NPHP4: variants seen among roughly 807,000 people sequenced by gnomAD.
NPHP4 encodes the protein nephrocystin 4.
Under a neutral mutation model 155.8 loss-of-function variants are expected in NPHP4, and 151 were observed. The ratio of observed to expected loss-of-function variants is 0.97; its 90% CI spans 0.85 to 1.11. The LOEUF (loss-of-function observed/expected upper bound fraction) is 1.11, where lower values mean the gene tolerates loss of function less well. Among genes scored for constraint, NPHP4 ranks in the 50% least tolerant of loss-of-function variants. NPHP4 has a pLI of 0.00. For synonymous variants in NPHP4, 845 were observed against 816.8 expected (o/e 1.03, Z -0.59); for missense variants, 1,956 against 1,925.7 (o/e 1.02, Z -0.29).
At chr1:5,971,726 G>A (rs1177073917) in intron 3 of NPHP4, among the ~76,000 whole-genome samples, 4 of 152,186 alleles carry the variant, frequency 2.6e-5, no homozygotes, top group Admixed American at 2.6e-4. Flanking sequence ...TCAGTCTAGG[G>A]AAACTTAACG....
chr1:5,965,366 C>A (rs769729389), intron 5 of NPHP4, among the ~76,000 whole-genome samples: 5 of 152,172 alleles, frequency 3.3e-5, no homozygotes, highest in Non-Finnish European at 7.3e-5. Context: ...TCAGGGCCAA[C>A]AGCTTCCACA....
chr1:5,868,535 C>T (rs1040097929), intron 23 of NPHP4, among the ~76,000 whole-genome samples: 1 of 151,876 alleles, frequency 6.6e-6, no homozygotes, highest in East Asian at 1.9e-4. Flanking sequence ...CGCACCCACA[C>T]ACACGCATGC....
chr1:5,942,664 A>G (rs1646886448), intron 9 of NPHP4, among the ~76,000 whole-genome samples: 1 of 151,608 alleles, frequency 6.6e-6, no homozygotes, highest in Non-Finnish European at 1.5e-5. Context: ...GACACAAGAC[A>G]TGATCCTGAA....
At chr1:5,891,865 C>G (rs146755969) in intron 16 of NPHP4, among the ~76,000 whole-genome samples, 16 of 152,348 alleles carry the variant, frequency 1.1e-4, no homozygotes, top group Non-Finnish European at 1.9e-4. Context: ...AGGATGACCA[C>G]AGACCACATT....
intron 11 of NPHP4, among the ~76,000 whole-genome samples, chr1:5,926,421 A>G (rs1646006658): frequency 6.6e-6 from 1 of 152,260 alleles, no homozygotes; most frequent in South Asian, 2.1e-4. Context: ...GAGTAGGTCC[A>G]TGGTTTCTGC....
In NPHP4 at chr1:5,863,921, T is replaced by G; in HGVS notation, c.4109A>C (p.Glu1370Ala). ...GGAGTCCTCTCTGAACCGCAGCAGC[T>G]CCGGGTGGTCGCTGTGCAGGTGGAA... ...RTFHLHSDHPELLRFREDSFQ... is the reference protein window; with the variant it reads ...RTFHLHSDHPALLRFREDSFQ... The change falls in exon 29 of 30, where the codon GAG becomes GCG. Residue 1370 changes from glutamate to alanine, a missense_variant. Glu to Ala is a moderately radical substitution (Grantham distance 107). Coordinates refer to ENST00000378156, the MANE Select transcript of NPHP4 (RefSeq NM_015102.5). 1 of 1,613,824 alleles carries G rather than the reference T, an allele frequency of 6.2e-7. No homozygotes were observed. Among genetic ancestry groups the G allele is most frequent in the Non-Finnish European group, 8.5e-7 (1 of 1,179,830 alleles).
intron 18 of NPHP4, among the ~76,000 whole-genome samples, chr1:5,883,267 G>A (rs1022852798): frequency 6.6e-6 from 1 of 152,052 alleles, no homozygotes; most frequent in South Asian, 2.1e-4. Flanking sequence ...TTCACACTCC[G>A]GGCCACGCTG....
At chr1:5,976,201 T>C (rs970462016) in intron 3 of NPHP4, among the ~76,000 whole-genome samples, 5 of 151,608 alleles carry the variant, frequency 3.3e-5, no homozygotes, top group African/African-American at 1.2e-4. Flanking sequence ...ACCCGCCACA[T>C]GGGAATAAGC....
Position 5,867,031 on chromosome 1 carries a change from A to G in NPHP4, c.3557T>C (p.Val1186Ala). Residue 1186 changes from valine (V) to alanine (A), a missense_variant and splice_region_variant, in exon 25 of 30, where the codon GTG (valine) becomes GCG (alanine). Physicochemically the swap from Val to Ala is moderately conservative, Grantham distance 64 (BLOSUM62 0). Coordinates refer to ENST00000378156, the MANE Select transcript of NPHP4 (RefSeq NM_015102.5). This position sits in a 1 kb window ranked among gnomAD's most constrained non-coding sequence, Gnocchi z 4.1. ...DPNVICETQN[V>A]GPGEPRDIFL... is the part of the protein sequence containing the mutation. The stretch of plus-strand genomic sequence containing the variant: ...AGCTGGGGCCACAACACAACCTACC[A>G]CATTCTGGGTCTCACAGATGACGTT... The G allele has an allele frequency of 6.2e-7, 1 of 1,612,046 alleles. No homozygotes were observed. The highest frequency in any genetic ancestry group is 2.2e-5 in the East Asian group (1 of 44,830).
At position 5,907,141 on chromosome 1, in the gene NPHP4, C is replaced by G. The variant is rs750626428; in HGVS notation, c.1585G>C (p.Gly529Arg). Residue 529 changes from glycine (G) to arginine (R), a missense_variant, in exon 13 of 30, where the codon GGC becomes CGC. Transcript: ENST00000378156. Reference protein sequence around the residue: ...LARPTSQLPHGSQASPAQAQE... With the variant: ...LARPTSQLPHRSQASPAQAQE... Reference sequence around the variant, plus strand: ...GCCTGGGCCGGGGAGGCCTGAGAGCCATGGGGTAGCTGTGAAGTAGGCCTG... The same window carrying G: ...GCCTGGGCCGGGGAGGCCTGAGAGCGATGGGGTAGCTGTGAAGTAGGCCTG... The G allele has an allele frequency of 2.5e-6, 4 of 1,568,674 alleles. No homozygotes were observed. The highest frequency in any genetic ancestry group is 3.5e-6 in the Non-Finnish European group (4 of 1,155,198).
At chr1:5,990,289 A>G (rs1656037604) in intron 1 of NPHP4, among the ~76,000 whole-genome samples, 1 of 152,162 alleles carries the variant, frequency 6.6e-6, no homozygotes, top group Admixed American at 6.6e-5. Flanking sequence ...GCTCCATGAC[A>G]CCAGGCTGGG....
chr1:5,988,907 C>T (rs1430052295), intron 1 of NPHP4, among the ~76,000 whole-genome samples: 1 of 152,158 alleles, frequency 6.6e-6, no homozygotes, highest in Non-Finnish European at 1.5e-5. Context: ...CCAGGTATTC[C>T]TGAGGACCAG....
In NPHP4 at chr1:5,864,435, C is replaced by T. The variant is rs115869141; in HGVS notation, c.3899G>A (p.Ser1300Asn). Reference sequence around the variant, plus strand: ...CACCAGGTTGAGATGGACAAAGCGGCTGCCGGCCCTAAGGGGCCTCACGCC... The same window carrying T: ...CACCAGGTTGAGATGGACAAAGCGGTTGCCGGCCCTAAGGGGCCTCACGCC... ...HVGVRPLRAG[S>N]RFVHLNLVDV... The change falls in exon 28 of 30, where the codon AGC becomes AAC. Residue 1300 changes from serine to asparagine, a missense_variant. Physicochemically the swap from Ser to Asn is conservative, Grantham distance 46. Coordinates refer to ENST00000378156, the MANE Select transcript of NPHP4 (RefSeq NM_015102.5). 7.5e-5 allele frequency: 120 copies of T among 1,609,102 alleles called. No individual in the cohort carries two copies. In the African/African-American group the frequency reaches 1.5e-3, roughly 21 times the overall value.
intron 10 of NPHP4, 33 bp from the exon 11 acceptor site, chr1:5,927,820 T>G (rs762677814): frequency 1.9e-6 from 3 of 1,579,194 alleles, no homozygotes; most frequent in Non-Finnish European, 2.6e-6. Context: ...TGATGGCCAC[T>G]CCCTTCATCA....
chr1:5,952,557 C>T (rs1648315360), intron 7 of NPHP4, 143 bp downstream of exon 7: 3 of 96,008 alleles, frequency 3.1e-5, no homozygotes, highest in African/African-American at 1.4e-4. Flanking sequence ...GGGGTCTCCC[C>T]TGCCCCACCC....
chr1:5,886,103 A>C (rs1643778120), intron 18 of NPHP4, among the ~76,000 whole-genome samples: 2 of 152,248 alleles, frequency 1.3e-5, no homozygotes, highest in South Asian at 4.1e-4. Flanking sequence ...TGGTGGCTGG[A>C]GAATTAAATA....
chr1:5,865,590 A>C, intron 26 of NPHP4: 1 of 280,756 alleles, frequency 3.6e-6, no homozygotes, highest in Non-Finnish European at 6.7e-6. Context: ...TTGGCCAAAC[A>C]CACATCCTGG....
intron 18 of NPHP4, 146 bp downstream of exon 18, chr1:5,887,140 G>T (rs1279837162): frequency 1.3e-6 from 1 of 750,532 alleles, no homozygotes; most frequent in Non-Finnish European, 2.2e-6. Flanking sequence ...AAGGACACAG[G>T]CTCCATGGCC....
intron 13 of NPHP4, among the ~76,000 whole-genome samples, chr1:5,906,454 T>C (rs1207360078): frequency 2.0e-5 from 3 of 152,214 alleles, no homozygotes; most frequent in African/African-American, 7.2e-5. Flanking sequence ...CATGCGCCAA[T>C]AATAAAAAGC....
Sources: gnomAD v4.1 joint callset for allele counts (sites outside exome capture counted in the v4.1 genomes callset) on GRCh38, gnomAD v4.1.1 for gene constraint, Gnocchi (gnomAD v3.1) non-coding constraint, MANE v1.5 for transcripts, NCBI Gene and HGNC (gene_info 2026-07-23, HGNC 2026-07-21) for gene names.